The following BLTP3B variants were observed in gnomAD, a reference collection of about 807,000 sequenced individuals.
BLTP3B encodes UHRF1 (ICBP90) binding protein 1-like.
chr12:100,074,128 C>T, the BLTP3B span, among the ~76,000 whole-genome samples: 4 of 152,100 alleles, frequency 2.6e-5, no homozygotes, highest in African/African-American at 7.2e-5. Flanking sequence ...CTAAACTCCA[C>T]GAAAAGACTC....
chr12:100,078,821 G>GT, the BLTP3B span, among the ~76,000 whole-genome samples: 1 of 152,132 alleles, frequency 6.6e-6, no homozygotes. Context: ...ATCTTGAATT[G>GT]TAACTCTGAC....
chr12:100,078,239 C>A, the BLTP3B span, among the ~76,000 whole-genome samples: 5 of 152,194 alleles, frequency 3.3e-5, no homozygotes, highest in Admixed American at 3.3e-4. Flanking sequence ...CACCTCCCTG[C>A]GCCACTCTCT....
the BLTP3B span, among the ~76,000 whole-genome samples, chr12:100,076,122 A>T: frequency 3.3e-5 from 5 of 152,104 alleles, no homozygotes; most frequent in Non-Finnish European, 7.3e-5. Flanking sequence ...GAAATTAAAA[A>T]AAAAAAAACT....
At chr12:100,081,915 T>C in the BLTP3B span, among the ~76,000 whole-genome samples, 2 of 152,194 alleles carry the variant, frequency 1.3e-5, no homozygotes, top group East Asian at 1.9e-4. Flanking sequence ...TATATTCCTA[T>C]GGGTATATAC....
At chr12:100,091,302 C>T in the BLTP3B span, among the ~76,000 whole-genome samples, 2 of 149,828 alleles carry the variant, frequency 1.3e-5, no homozygotes, top group Admixed American at 1.3e-4. Flanking sequence ...GATTCTCCTG[C>T]CTCAGCCTCC....
At chr12:100,073,119 A>G in the BLTP3B span, among the ~76,000 whole-genome samples, 1 of 152,198 alleles carries the variant, frequency 6.6e-6, no homozygotes, top group Non-Finnish European at 1.5e-5. Context: ...ATTCTATCAG[A>G]TAATATAGAT....
At chr12:100,062,466 T>C in the BLTP3B span, among the ~76,000 whole-genome samples, 126 of 152,368 alleles carry the variant, frequency 8.3e-4, 1 homozygote, top group Non-Finnish European at 1.3e-4. Context: ...TTCTCTACTT[T>C]TGTTTATTTT....
chr12:100,106,755 T>TA, the BLTP3B span, among the ~76,000 whole-genome samples: 7 of 151,772 alleles, frequency 4.6e-5, no homozygotes, highest in East Asian at 1.9e-4. Flanking sequence ...GCTATTGAAA[T>TA]AAAAAAAAAT....
the BLTP3B span, among the ~76,000 whole-genome samples, chr12:100,130,921 A>AATACATACATACATACATACATAC: frequency 4.1e-3 from 529 of 127,674 alleles, 4 homozygotes; most frequent in African/African-American, 0.012. Context: ...ATCTCAAAAA[A>AATACATACATACATACATACATAC]ATACATACAT....
At chr12:100,130,065 C>G in the BLTP3B span, among the ~76,000 whole-genome samples, 1 of 152,206 alleles carries the variant, frequency 6.6e-6, no homozygotes, top group Admixed American at 6.5e-5. Flanking sequence ...TCAAGTGATT[C>G]TCCTGCCTCA....
chr12:100,081,462 T>A, the BLTP3B span, among the ~76,000 whole-genome samples: 3 of 152,290 alleles, frequency 2.0e-5, no homozygotes, highest in Admixed American at 2.0e-4. Context: ...AGGTTTGTTA[T>A]ACTGGTAAAC....
chr12:100,037,310 A>C, the BLTP3B span: 1 of 1,013,794 alleles, frequency 9.9e-7, no homozygotes, highest in Non-Finnish European at 1.2e-6. Context: ...ACATTTTAAA[A>C]AATGCCGAAA....
chr12:100,073,162 C>A, the BLTP3B span, among the ~76,000 whole-genome samples: 1 of 152,052 alleles, frequency 6.6e-6, no homozygotes, highest in African/African-American at 2.4e-5. Flanking sequence ...AGATCCAAGT[C>A]CTCAAATCCA....
chr12:100,104,200 T>C, the BLTP3B span, among the ~76,000 whole-genome samples: 1 of 150,414 alleles, frequency 6.6e-6, no homozygotes, highest in East Asian at 1.9e-4. Flanking sequence ...TAAGTTCTTT[T>C]TTTCTTTTTT....
the BLTP3B span, among the ~76,000 whole-genome samples, chr12:100,129,499 C>A: frequency 2.6e-5 from 4 of 152,188 alleles, no homozygotes; most frequent in Admixed American, 6.5e-5. Flanking sequence ...GTGAACAAGA[C>A]AAGCAAAGTC....
the BLTP3B span, among the ~76,000 whole-genome samples, chr12:100,090,951 G>A: frequency 6.6e-6 from 1 of 150,886 alleles, no homozygotes; most frequent in African/African-American, 2.4e-5. Context: ...TTAATACTAT[G>A]GTAAAGTCAG....
At chr12:100,073,120 T>A in the BLTP3B span, among the ~76,000 whole-genome samples, 1 of 152,128 alleles carries the variant, frequency 6.6e-6, no homozygotes, top group Admixed American at 6.6e-5. Context: ...TTCTATCAGA[T>A]AATATAGATA....
At chr12:100,102,749 TAA>T in the BLTP3B span, 1 of 1,536,820 alleles carries the variant, frequency 6.5e-7, no homozygotes, top group Non-Finnish European at 8.9e-7. Context: ...TCATGCAGAT[TAA>T]TGGAAGTAGC....
At chr12:100,052,657 G>A in the BLTP3B span, among the ~76,000 whole-genome samples, 1 of 151,740 alleles carries the variant, frequency 6.6e-6, no homozygotes, top group African/African-American at 2.4e-5. Flanking sequence ...AGTAAGCTGG[G>A]GCCACATCAC....
Sources: gnomAD v4.1 joint callset for allele counts (sites outside exome capture counted in the v4.1 genomes callset) on GRCh38, gnomAD v4.1.1 for gene constraint, MANE v1.5 for transcripts, NCBI Gene and HGNC (gene_info 2026-07-23, HGNC 2026-07-21) for gene names.